The following FOXO1 variants were observed in gnomAD, a reference collection of about 807,000 sequenced individuals.
The protein encoded by FOXO1 is forkhead box O1.
A neutral mutation model predicts 44.1 loss-of-function variants in FOXO1; 6 were observed. The observed-to-expected ratio is 0.14, with a 90% CI of 0.07 to 0.27. FOXO1 has a LOEUF of 0.27. FOXO1 is among the 10% of genes least tolerant of loss of function. The pLI is 1.00. For missense variants in FOXO1, 737 were observed against 888.8 expected (o/e 0.83, Z 2.17); for synonymous variants, 380 against 362.7 (o/e 1.05, Z -0.54).
At chr13:40,664,086 A>G (rs555239330) in intron 1 of FOXO1, among the ~76,000 whole-genome samples, 5 of 152,312 alleles carry the variant, frequency 3.3e-5, no homozygotes, top group African/African-American at 9.6e-5. Flanking sequence ...CATCCTGGCC[A>G]ACATGGTGAA....
Position 40,665,847 on chromosome 13 carries a change from T to G in FOXO1, c.366A>C (p.Pro122=), listed in dbSNP as rs1211008441. ...GCGGCCCGGGCGGCGGGGGCTGCGG[T>G]GGCGCTGGGTGCAGGCAGCCCGCCT... ...GPEAGCLHPA[P]PQPPPPGPLS... Residue 122 remains proline, a synonymous_variant, in exon 1 of 3, where the codon CCA becomes CCC. Transcript: ENST00000379561. 8.8e-7 allele frequency: 1 copy of G among 1,130,874 alleles called. No individual in the cohort carries two copies. The highest frequency in any genetic ancestry group is 1.7e-5 in the African/African-American group (1 of 59,900). 70.1% of individuals were successfully genotyped at this position (1,130,874 alleles called of 1,614,324 possible).
chr13:40,573,372 C>G (rs752655572), intron 1 of FOXO1, among the ~76,000 whole-genome samples: 1 of 152,126 alleles, frequency 6.6e-6, no homozygotes, highest in Non-Finnish European at 1.5e-5. Context: ...CACTCCTGGG[C>G]TAAAGGAATT....
chr13:40,628,422 T>C (rs1876859728), intron 1 of FOXO1, among the ~76,000 whole-genome samples: 1 of 151,708 alleles, frequency 6.6e-6, no homozygotes, highest in African/African-American at 2.4e-5. Context: ...CCGGGCACTC[T>C]CGCAACTTGT....
intron 1 of FOXO1, among the ~76,000 whole-genome samples, chr13:40,605,388 C>T (rs764618346): frequency 9.2e-5 from 14 of 152,152 alleles, no homozygotes; most frequent in African/African-American, 3.4e-4. Context: ...ACAGTTGGTG[C>T]TTAAAACTTT....
intron 1 of FOXO1, among the ~76,000 whole-genome samples, chr13:40,640,593 C>A (rs1160678975): frequency 1.3e-5 from 2 of 152,118 alleles, no homozygotes; most frequent in Non-Finnish European, 2.9e-5. Context: ...AGAGACAGTA[C>A]CTAATGGGAA....
At chr13:40,583,912 A>C (rs369570806) in intron 1 of FOXO1, among the ~76,000 whole-genome samples, 11 of 152,288 alleles carry the variant, frequency 7.2e-5, no homozygotes, top group African/African-American at 2.6e-4. Context: ...GGCTTTATAC[A>C]TGCCTTCCTC....
At chr13:40,659,581 G>A (rs959071830) in intron 1 of FOXO1, among the ~76,000 whole-genome samples, 2 of 151,918 alleles carry the variant, frequency 1.3e-5, no homozygotes, top group Non-Finnish European at 2.9e-5. Context: ...ATGAGGAGCT[G>A]CAGATTTACC....
intron 1 of FOXO1, among the ~76,000 whole-genome samples, chr13:40,653,571 A>G (rs1328324832): frequency 6.6e-6 from 1 of 152,206 alleles, no homozygotes; most frequent in Non-Finnish European, 1.5e-5. Context: ...AGAAATCTTT[A>G]TCTTCCCACA....
chr13:40,561,375 A>G (rs146489285), intron 1 of FOXO1, among the ~76,000 whole-genome samples: 19 of 147,208 alleles, frequency 1.3e-4, no homozygotes, highest in Admixed American at 2.0e-4. Flanking sequence ...AAAAAATTCT[A>G]TATCTTAATT....
At chr13:40,587,629 G>A (rs960786800) in intron 1 of FOXO1, among the ~76,000 whole-genome samples, 3 of 152,146 alleles carry the variant, frequency 2.0e-5, no homozygotes, top group African/African-American at 7.2e-5. Flanking sequence ...TATACCTAAA[G>A]CACGGCTCAA....
At chr13:40,644,048 G>A (rs2137925969) in intron 1 of FOXO1, among the ~76,000 whole-genome samples, 1 of 152,314 alleles carries the variant, frequency 6.6e-6, no homozygotes, top group South Asian at 2.1e-4. Context: ...ATTATAAAGA[G>A]CAAATGCTAG....
In FOXO1 at chr13:40,556,701, G is replaced by A. The variant is rs916568358; in HGVS notation, c.*2348C>T. On this transcript the variant is annotated 3_prime_UTR_variant, in exon 3 of 3. Transcript: ENST00000379561. ...TTCAACACACAATGGGGGCTTGGGA[G>A]AGGTATAATTACCCAGACTCAGGAG... is the stretch of plus-strand genomic sequence containing the variant. 2 of 152,210 alleles carry A rather than the reference G, an allele frequency of 1.3e-5. No individual in the cohort carries two copies. Among genetic ancestry groups the A allele is most frequent in the Non-Finnish European group, 2.9e-5 (2 of 68,030 alleles). 9.4% of individuals were successfully genotyped at this position (152,210 alleles called of 1,614,324 possible). A position where few individuals can be genotyped will look rare whatever the true frequency, so the allele number is the denominator to read the frequency against.
At position 40,666,453 on chromosome 13, in the gene FOXO1, G is replaced by GGCCA; in HGVS notation, c.-245_-242dup. On this transcript the variant is annotated 5_prime_UTR_variant, in exon 1 of 3. Coordinates refer to ENST00000379561, the MANE Select transcript of FOXO1 (RefSeq NM_002015.4). The stretch of plus-strand genomic sequence containing the variant: ...GGTCCGCCGCACGGACTGGACGGCC[G>GGCCA]GCCAGAGCCGCCGGGCCGGGGCAGA... 1 of 375,620 alleles carries GGCCA rather than the reference G, an allele frequency of 2.7e-6. No homozygotes were observed. The highest frequency in any genetic ancestry group is 4.7e-6 in the Non-Finnish European group (1 of 210,580). The allele number at this position is 375,620 out of a possible 1,614,324, so 23.3% of individuals were successfully genotyped here.
chr13:40,640,356 C>T (rs946384445), intron 1 of FOXO1, among the ~76,000 whole-genome samples: 1 of 152,188 alleles, frequency 6.6e-6, no homozygotes, highest in Non-Finnish European at 1.5e-5. Flanking sequence ...CTGAAGGTAG[C>T]CCTGGTTACC....
chr13:40,592,592 T>G (rs1369338759), intron 1 of FOXO1, among the ~76,000 whole-genome samples: 1 of 152,242 alleles, frequency 6.6e-6, no homozygotes, highest in South Asian at 2.1e-4. Context: ...CAACCAGAAC[T>G]ACAGCATCAG....
intron 2 of FOXO1, 97 bp downstream of exon 2, chr13:40,559,412 G>T: frequency 9.1e-7 from 1 of 1,094,184 alleles, no homozygotes; most frequent in Non-Finnish European, 1.3e-6. Flanking sequence ...GGGACAGTCA[G>T]TTGACATCAA....
intron 1 of FOXO1, among the ~76,000 whole-genome samples, chr13:40,567,752 A>G (rs1227292343): frequency 6.6e-6 from 1 of 152,040 alleles, no homozygotes; most frequent in African/African-American, 2.4e-5. Flanking sequence ...GGCAGATCAC[A>G]AGATCAGGAG....
chr13:40,580,298 AAAC>A (rs1874908576), intron 1 of FOXO1, among the ~76,000 whole-genome samples: 2 of 152,216 alleles, frequency 1.3e-5, no homozygotes, highest in Non-Finnish European at 2.9e-5. Flanking sequence ...TGTAGTTTGC[AAAC>A]TATATGCTAA....
rs946277208 is a variant in FOXO1, at chr13:40,559,996, C to A, written c.1495G>T (p.Gly499Cys). ...TAGGTTGACATGACCGAATTAGGGC[C>A]CATCATGACGTTCTGGCCCAGAACC... ...SRVLGQNVMMGPNSVMSTYGS... is the reference protein window; with the variant it reads ...SRVLGQNVMMCPNSVMSTYGS... The change falls in exon 2 of 3, where the codon GGC (glycine) becomes TGC (cysteine). Residue 499 changes from glycine (G) to cysteine (C), a missense_variant. Gly to Cys is a radical substitution (Grantham distance 159). Coordinates refer to ENST00000379561, the MANE Select transcript of FOXO1 (RefSeq NM_002015.4). The A allele has an allele frequency of 1.9e-6, 3 of 1,614,068 alleles. No homozygotes were observed. The highest frequency in any genetic ancestry group is 2.7e-5 in the African/African-American group (2 of 75,006).
Sources: gnomAD v4.1 joint callset for allele counts (sites outside exome capture counted in the v4.1 genomes callset) on GRCh38, gnomAD v4.1.1 for gene constraint, MANE v1.5 for transcripts, NCBI Gene and HGNC (gene_info 2026-07-23, HGNC 2026-07-21) for gene names.